Variants in THEMIS observed in about 807,000 individuals in gnomAD.
THEMIS encodes thymocyte selection associated.
A neutral mutation model predicts 52.6 loss-of-function variants in THEMIS; 37 were observed. The ratio of observed to expected loss-of-function variants is 0.70; its 90% confidence interval spans 0.54 to 0.93. The LOEUF is 0.93. Among genes scored for constraint, THEMIS ranks in the 40% least tolerant of loss-of-function variants. The probability of loss-of-function intolerance (pLI) is 0.00; values close to 1 mark genes in which losing one functional copy is unlikely to be tolerated. For synonymous variants in THEMIS, 292 were observed against 272.7 expected, an observed-to-expected ratio of 1.07 and a Z score of -0.70; for missense variants, 808 against 763.1, an observed-to-expected ratio of 1.06 and a Z score of -0.69.
chr6:127,784,522 AG>A (rs1776856601), intron 4 of THEMIS, among the ~76,000 whole-genome samples: 1 of 152,196 alleles, frequency 6.6e-6, no homozygotes, highest in Admixed American at 6.5e-5. Context: ...CTGGTCCATC[AG>A]CACATTAAAT....
intron 4 of THEMIS, among the ~76,000 whole-genome samples, chr6:127,791,197 C>T (rs1331561010): frequency 6.6e-6 from 1 of 152,150 alleles, no homozygotes; most frequent in Non-Finnish European, 1.5e-5. Context: ...AGAGGGTGAG[C>T]AAGGTGAAGA....
chr6:127,911,538 T>C (rs114886146), intron 1 of THEMIS, among the ~76,000 whole-genome samples: 1,715 of 151,462 alleles, frequency 0.011, 102 homozygotes, highest in African/African-American at 0.041. Flanking sequence ...CTTTGATCAC[T>C]GTATACACAC....
At chr6:127,750,424 T>A (rs1180939802) in intron 4 of THEMIS, among the ~76,000 whole-genome samples, 1 of 151,838 alleles carries the variant, frequency 6.6e-6, no homozygotes, top group Admixed American at 6.6e-5. Context: ...ATATGTTGTA[T>A]GATCAATTTG....
At chr6:127,747,615 G>A (rs564251834) in intron 4 of THEMIS, among the ~76,000 whole-genome samples, 4 of 151,488 alleles carry the variant, frequency 2.6e-5, no homozygotes, top group Non-Finnish European at 5.9e-5. Context: ...GTTCATGTTT[G>A]TTTATCCTTT....
At chr6:127,719,894 T>C in intron 4 of THEMIS, 71 bp from the exon 5 acceptor site, 3 of 1,559,434 alleles carry the variant, frequency 1.9e-6, no homozygotes, top group Non-Finnish European at 1.7e-6. Context: ...GAAAGATTTA[T>C]CACATGGCAA....
intron 4 of THEMIS, among the ~76,000 whole-genome samples, chr6:127,800,708 T>C (rs1777503434): frequency 6.6e-6 from 1 of 152,090 alleles, no homozygotes; most frequent in Non-Finnish European, 1.5e-5. Flanking sequence ...CAGCAGAATA[T>C]AAGGAGGCAG....
intron 4 of THEMIS, among the ~76,000 whole-genome samples, chr6:127,754,567 C>T (rs1775756862): frequency 6.6e-6 from 1 of 152,176 alleles, no homozygotes; most frequent in African/African-American, 2.4e-5. Context: ...CACAGGGAAA[C>T]TCTCCCTCGA....
intron 1 of THEMIS, among the ~76,000 whole-genome samples, chr6:127,895,635 G>A (rs1583405913): frequency 6.6e-6 from 1 of 151,384 alleles, no homozygotes; most frequent in South Asian, 2.1e-4. Context: ...GATAAATTAT[G>A]TAGAAGATAT....
intron 1 of THEMIS, among the ~76,000 whole-genome samples, chr6:127,864,986 G>A (rs270043): frequency 0.63 from 96,356 of 151,934 alleles, 30,790 homozygotes; most frequent in East Asian, 0.83. Flanking sequence ...ACATGGACAG[G>A]GCATCATTCT....
At chr6:127,699,462 T>G in the THEMIS span, among the ~76,000 whole-genome samples, 1 of 149,650 alleles carries the variant, frequency 6.7e-6, no homozygotes, top group Non-Finnish European at 1.5e-5. Flanking sequence ...ACATTGTACA[T>G]ACTAGATGAT....
At chr6:127,863,097 T>C (rs1318523890) in intron 1 of THEMIS, among the ~76,000 whole-genome samples, 1 of 152,202 alleles carries the variant, frequency 6.6e-6, no homozygotes, top group African/African-American at 2.4e-5. Context: ...TTCAATCATT[T>C]ATTCCAGGTC....
intron 4 of THEMIS, among the ~76,000 whole-genome samples, chr6:127,800,252 A>G (rs550402473): frequency 1.2e-3 from 177 of 152,270 alleles, no homozygotes; most frequent in Non-Finnish European, 2.1e-3. Flanking sequence ...TCTGGTTCTT[A>G]TATTTTAGAT....
intron 2 of THEMIS, among the ~76,000 whole-genome samples, chr6:127,843,436 T>A (rs938489782): frequency 6.6e-6 from 1 of 151,998 alleles, no homozygotes; most frequent in Non-Finnish European, 1.5e-5. Context: ...TAAATTGAGA[T>A]GTACTATAAG....
At chr6:127,904,935 GCT>G (rs999700566), upstream of THEMIS, among the ~76,000 whole-genome samples, 1 of 151,372 alleles carries the variant, frequency 6.6e-6, no homozygotes, top group Non-Finnish European at 1.5e-5. Flanking sequence ...GGAAATATCT[GCT>G]CTCTCTCTTT....
chr6:127,799,005 A>T (rs1045904523), intron 4 of THEMIS, among the ~76,000 whole-genome samples: 2 of 151,548 alleles, frequency 1.3e-5, no homozygotes, highest in East Asian at 3.8e-4. Flanking sequence ...AAAAAAAAAA[A>T]AAAGAAAGAA....
At chr6:127,864,967 A>T (rs1779927369) in intron 1 of THEMIS, among the ~76,000 whole-genome samples, 3 of 152,172 alleles carry the variant, frequency 2.0e-5, no homozygotes. Flanking sequence ...GTCCTCTCCC[A>T]GTGGAGTCAC....
chr6:127,819,987 A>G (rs943903511), intron 3 of THEMIS, among the ~76,000 whole-genome samples: 3 of 152,168 alleles, frequency 2.0e-5, no homozygotes, highest in Non-Finnish European at 4.4e-5. Context: ...GATAAGTGAA[A>G]TGAATGACAG....
rs1451989828 is a variant in THEMIS at position 127,813,837 on chromosome 6, T to C, written c.804A>G (p.Leu268=). The change falls in exon 4 of 6, where the codon TTA becomes TTG. Residue 268 remains leucine, a synonymous_variant. Transcript: ENST00000368248. ...SYDANWFLQL[L]STEDLFEMTS... is the part of the protein sequence containing the mutation. ...TCATTTCAAAAAGATCTTCTGTTGA[T>C]AACAGCTGAAGAAACCAGTTAGCAT... 6 of 1,613,852 alleles carry C rather than the reference T, an allele frequency of 3.7e-6. No individual in the cohort carries two copies. In the East Asian group the frequency reaches 8.9e-5, roughly 24 times the overall value.
chr6:127,799,998 A>T (rs12153861), intron 4 of THEMIS, among the ~76,000 whole-genome samples: 1 of 152,136 alleles, frequency 6.6e-6, no homozygotes, highest in African/African-American at 2.4e-5. Context: ...TAAAATCACA[A>T]ACGTTCTTCA....
Sources: allele counts gnomAD v4.1 joint callset (sites outside exome capture counted in the v4.1 genomes callset), GRCh38; gene constraint gnomAD v4.1.1; transcripts MANE v1.5; gene names NCBI Gene and HGNC (gene_info 2026-07-23, HGNC 2026-07-21).